SBF2: variants seen among roughly 807,000 people sequenced by gnomAD.
The protein encoded by SBF2 is myotubularin-related protein 13.
In SBF2, 112 loss-of-function variants were observed where a neutral mutation model predicts 225.2. The observed-to-expected ratio is 0.50, with a 90% confidence interval of 0.43 to 0.58. The LOEUF is 0.58. Among genes scored for constraint, SBF2 ranks in the 20% least tolerant of loss-of-function variants. The pLI is 0.00. For synonymous variants in SBF2, 763 were observed against 773.3 expected (o/e 0.99, Z 0.22); for missense variants, 1,996 against 2,206.2 (o/e 0.90, Z 1.91).
chr11:9,878,720 C>A, intron 17 of SBF2, among the ~76,000 whole-genome samples: 1 of 152,126 alleles, frequency 6.6e-6, no homozygotes, highest in East Asian at 1.9e-4. Flanking sequence ...AGGCTTGCTT[C>A]TAAGATTATA....
intron 1 of SBF2, among the ~76,000 whole-genome samples, chr11:10,230,582 CT>C (rs1958798732): frequency 6.6e-6 from 1 of 152,120 alleles, no homozygotes; most frequent in Admixed American, 6.6e-5. Flanking sequence ...CTTAGTTTGG[CT>C]GGATATGAAA....
intron 1 of SBF2, among the ~76,000 whole-genome samples, chr11:10,259,638 T>A (rs1434550623): frequency 1.3e-5 from 2 of 152,190 alleles, no homozygotes; most frequent in Non-Finnish European, 2.9e-5. Flanking sequence ...TCTGAAAATA[T>A]GTTTGATCTT....
At chr11:9,913,653 T>TAAAAC (rs1316362857) in intron 16 of SBF2, among the ~76,000 whole-genome samples, 1 of 147,412 alleles carries the variant, frequency 6.8e-6, no homozygotes, top group Non-Finnish European at 1.5e-5. Flanking sequence ...AAAAATAAAA[T>TAAAAC]AAAATAAAAT....
intron 32 of SBF2, among the ~76,000 whole-genome samples, chr11:9,800,911 T>C (rs1853455854): frequency 6.6e-6 from 1 of 152,170 alleles, no homozygotes; most frequent in Non-Finnish European, 1.5e-5. Flanking sequence ...ATTGGTAATA[T>C]GTGTCTTTTT....
intron 1 of SBF2, among the ~76,000 whole-genome samples, chr11:10,280,317 G>T (rs74953984): frequency 0.021 from 3,212 of 152,200 alleles, 87 homozygotes; most frequent in African/African-American, 0.063. Context: ...ACATGTGCTT[G>T]AGACCCCCAC....
At chr11:9,866,332 A>C (rs1211347991) in intron 17 of SBF2, among the ~76,000 whole-genome samples, 1 of 152,218 alleles carries the variant, frequency 6.6e-6, no homozygotes, top group Non-Finnish European at 1.5e-5. Flanking sequence ...AAAATATACT[A>C]TAAGGCTATA....
At chr11:10,249,107 A>T (rs1296090123) in intron 1 of SBF2, among the ~76,000 whole-genome samples, 2 of 152,204 alleles carry the variant, frequency 1.3e-5, no homozygotes, top group Admixed American at 1.3e-4. Flanking sequence ...ACAAAAAAAA[A>T]AAAGAAAGAA....
At chr11:10,135,718 A>G (rs1954314684) in intron 2 of SBF2, among the ~76,000 whole-genome samples, 1 of 152,172 alleles carries the variant, frequency 6.6e-6, no homozygotes, top group South Asian at 2.1e-4. Flanking sequence ...ATTTGAGACC[A>G]CATCAGCCTG....
rs1866618256 is a variant in SBF2 at position 9,962,194 on chromosome 11, T to C, written c.1711-88A>G. On this transcript the variant is annotated intron_variant, in intron 15 of 39. Transcript: ENST00000256190. ...CAATCATCCTGAAAATTCAAACGCA[T>C]CCTATAATTTATTTAACATAGTTAT... 23 of 1,137,538 alleles carry C rather than the reference T, an allele frequency of 2.0e-5. No individual in the cohort carries two copies. The South Asian group carries it at 2.8e-4, about 14-fold the overall frequency. The allele number at this position is 1,137,538 out of a possible 1,614,324, so 70.5% of individuals were successfully genotyped here. A position where few individuals can be genotyped will look rare whatever the true frequency, so the allele number is the denominator to read the frequency against.
At chr11:10,010,014 T>G (rs1242505257) in intron 6 of SBF2, among the ~76,000 whole-genome samples, 1 of 152,194 alleles carries the variant, frequency 6.6e-6, no homozygotes, top group Non-Finnish European at 1.5e-5. Context: ...GATGATGAGC[T>G]TTTTTTCATG....
chr11:10,033,579 T>C (rs1028405382), intron 3 of SBF2, among the ~76,000 whole-genome samples: 7 of 152,080 alleles, frequency 4.6e-5, no homozygotes, highest in Non-Finnish European at 1.0e-4. Flanking sequence ...AATTTCAATA[T>C]CTCTCCTATA....
At chr11:10,089,427 T>G (rs1352475096) in intron 2 of SBF2, among the ~76,000 whole-genome samples, 1 of 152,212 alleles carries the variant, frequency 6.6e-6, no homozygotes, top group African/African-American at 2.4e-5. Flanking sequence ...TCTTTCAAAA[T>G]GTTTCTTTCT....
intron 13 of SBF2, among the ~76,000 whole-genome samples, chr11:9,988,889 A>G (rs1187547919): frequency 6.6e-6 from 1 of 152,220 alleles, no homozygotes; most frequent in Non-Finnish European, 1.5e-5. Context: ...TGATCCAGCA[A>G]TCACACTACG....
intron 17 of SBF2, among the ~76,000 whole-genome samples, chr11:9,865,588 G>C (rs1279191268): frequency 1.3e-5 from 2 of 150,618 alleles, no homozygotes; most frequent in Non-Finnish European, 2.9e-5. Flanking sequence ...CTACTTGGGA[G>C]GCTGAGGCAG....
intron 33 of SBF2, among the ~76,000 whole-genome samples, chr11:9,794,549 C>T (rs1198821756): frequency 6.6e-6 from 1 of 151,656 alleles, no homozygotes; most frequent in Non-Finnish European, 1.5e-5. Flanking sequence ...CCTCTAATCC[C>T]AGCTACTAGG....
intron 16 of SBF2, among the ~76,000 whole-genome samples, chr11:9,914,474 A>G (rs535400842): frequency 4.6e-4 from 70 of 152,328 alleles, no homozygotes; most frequent in African/African-American, 1.5e-3. Flanking sequence ...TGCTGGCCCA[A>G]CTGGACATCC....
At chr11:10,294,900 G>A (rs542842318), upstream of SBF2, among the ~76,000 whole-genome samples, 201 of 152,328 alleles carry the variant, frequency 1.3e-3, no homozygotes, top group Admixed American at 2.7e-3. Context: ...CCCTCGCAGC[G>A]GTCCCAGGGC....
chr11:9,843,713 A>G (rs1590203984), intron 24 of SBF2: 1 of 129,222 alleles, frequency 7.7e-6, no homozygotes, highest in Non-Finnish European at 1.8e-5. Flanking sequence ...AAGGTTATGA[A>G]ACATGTTTGA....
chr11:10,225,600 T>C (rs181267945), intron 1 of SBF2, among the ~76,000 whole-genome samples: 124 of 152,264 alleles, frequency 8.1e-4, no homozygotes, highest in Non-Finnish European at 6.3e-4. Flanking sequence ...AAATTCTAGA[T>C]GACACACCAT....
Sources: gnomAD v4.1 joint callset for allele counts (sites outside exome capture counted in the v4.1 genomes callset) on GRCh38, gnomAD v4.1.1 for gene constraint, MANE v1.5 for transcripts, NCBI Gene and HGNC (gene_info 2026-07-23, HGNC 2026-07-21) for gene names.